PARN: variants seen among roughly 807,000 people sequenced by gnomAD.
PARN encodes poly(A)-specific ribonuclease.
PARN carries 71 observed loss-of-function variants against 102.8 expected under a neutral mutation model. The observed-to-expected ratio is 0.69, with a 90% CI of 0.57 to 0.84. PARN has a LOEUF of 0.84. PARN is among the 40% of genes least tolerant of loss of function. The pLI, the probability that PARN is intolerant of heterozygous loss-of-function variation, is 0.00. For synonymous variants in PARN, 261 were observed against 252.9 expected (o/e 1.03, Z -0.30); for missense variants, 782 against 760.9 (o/e 1.03, Z -0.33).
At position 14,533,938 on chromosome 16, in the gene PARN, T is replaced by C. The variant is rs13334941; in HGVS notation, c.1480+18083A>G. On this transcript the variant is annotated intron_variant, in intron 21 of 23. Transcript: ENST00000437198. ...TCCTTCAACAGTACAAAGGCAAATA[T>C]TGGCCAAGCGTGGTGGCTCACGCCT... Among the ~76,000 whole-genome samples, 1,298 of 152,300 alleles carry C rather than the reference T, an allele frequency of 8.5e-3. 20 individuals are homozygous for C. The highest frequency in any genetic ancestry group is 0.028 in the African/African-American group (1,177 of 41,558).
intron 21 of PARN, among the ~76,000 whole-genome samples, chr16:14,517,257 T>C (rs181847947): frequency 1.9e-4 from 29 of 152,366 alleles, no homozygotes; most frequent in Admixed American, 6.5e-4. Context: ...TGAAGGTATA[T>C]TAACAAGCAT....
At chr16:14,494,223 T>C (rs1964196793) in intron 21 of PARN, among the ~76,000 whole-genome samples, 1 of 152,208 alleles carries the variant, frequency 6.6e-6, no homozygotes, top group Non-Finnish European at 1.5e-5. Context: ...TATATTTCAA[T>C]CTCACTTGTT....
intron 21 of PARN, among the ~76,000 whole-genome samples, chr16:14,539,234 G>A (rs1412751864): frequency 6.6e-6 from 1 of 152,152 alleles, no homozygotes; most frequent in Non-Finnish European, 1.5e-5. Context: ...AAAATCAAGT[G>A]CCAGTAATAT....
chr16:14,558,146 A>C (rs1341017160), intron 18 of PARN, among the ~76,000 whole-genome samples: 1 of 152,234 alleles, frequency 6.6e-6, no homozygotes, highest in Non-Finnish European at 1.5e-5. Flanking sequence ...TTAAAAGTTA[A>C]TGAAGGCTGG....
chr16:14,622,977 G>A (rs1370714818), intron 5 of PARN, among the ~76,000 whole-genome samples: 1 of 151,980 alleles, frequency 6.6e-6, no homozygotes, highest in Non-Finnish European at 1.5e-5. Context: ...GGTGGCATGT[G>A]CCTGTAGTTC....
At chr16:14,522,276 G>A (rs1012674330) in intron 21 of PARN, among the ~76,000 whole-genome samples, 4 of 152,350 alleles carry the variant, frequency 2.6e-5, no homozygotes, top group Admixed American at 6.5e-5. Context: ...AGGTGAGGAG[G>A]TGGGCTGAGC....
chr16:14,561,205 G>C (rs1968039264), intron 18 of PARN, among the ~76,000 whole-genome samples: 1 of 151,402 alleles, frequency 6.6e-6, no homozygotes, highest in Non-Finnish European at 1.5e-5. Context: ...TGTGTCCCAG[G>C]CTGCCTAAGA....
chr16:14,562,940 C>G (rs958865712), intron 18 of PARN, among the ~76,000 whole-genome samples: 4 of 152,222 alleles, frequency 2.6e-5, no homozygotes, highest in Admixed American at 2.0e-4. Flanking sequence ...TGTGGCTTAT[C>G]TAAGCCATTC....
chr16:14,441,907 G>T (rs1960958487), intron 23 of PARN, among the ~76,000 whole-genome samples: 1 of 152,138 alleles, frequency 6.6e-6, no homozygotes, highest in Admixed American at 6.5e-5. Context: ...GTAACCCTTA[G>T]GGTTTCAGCT....
At position 14,630,154 on chromosome 16, in the gene PARN, A is replaced by T. The variant is rs761271672; in HGVS notation, c.-29T>A. On this transcript the variant is annotated 5_prime_UTR_variant, in exon 1 of 24. Transcript: ENST00000437198. ...GCAGAGTGGCCGGAACCTTGGCCCCACCCGGGCCCGCGCCCGCCTCAGCGG... is the reference window on the plus strand; with the variant it reads ...GCAGAGTGGCCGGAACCTTGGCCCCTCCCGGGCCCGCGCCCGCCTCAGCGG... The T allele has an allele frequency of 1.3e-6, 2 of 1,546,552 alleles. No homozygotes were observed. The highest frequency in any genetic ancestry group is 1.2e-5 in the South Asian group (1 of 83,860).
intron 22 of PARN, among the ~76,000 whole-genome samples, chr16:14,457,966 A>G (rs1961766448): frequency 6.6e-6 from 1 of 151,448 alleles, no homozygotes; most frequent in South Asian, 2.1e-4. Flanking sequence ...GAGACAGAGA[A>G]AACATGAATG....
chr16:14,511,799 C>T (rs964061720), intron 21 of PARN, among the ~76,000 whole-genome samples: 3 of 152,182 alleles, frequency 2.0e-5, no homozygotes, highest in African/African-American at 7.2e-5. Flanking sequence ...CTCCTGGCCT[C>T]AAGCAATCCT....
At chr16:14,574,478 G>C (rs1477488440) in intron 18 of PARN, among the ~76,000 whole-genome samples, 2 of 152,200 alleles carry the variant, frequency 1.3e-5, no homozygotes, top group Non-Finnish European at 2.9e-5. Context: ...ACTTTGGGAA[G>C]CCAAGGTGGG....
chr16:14,604,668 T>C (rs1197039988), intron 10 of PARN, among the ~76,000 whole-genome samples: 1 of 152,124 alleles, frequency 6.6e-6, no homozygotes, highest in African/African-American at 2.4e-5. Context: ...CAAGCTGGAG[T>C]GCAGTGGCAC....
chr16:14,612,516 T>C (rs1186060228), intron 6 of PARN, among the ~76,000 whole-genome samples: 1 of 152,204 alleles, frequency 6.6e-6, no homozygotes, highest in Non-Finnish European at 1.5e-5. Flanking sequence ...CACTAACTGA[T>C]GTGAAGACAA....
At chr16:14,551,615 A>G (rs990246698) in intron 21 of PARN, among the ~76,000 whole-genome samples, 4 of 152,128 alleles carry the variant, frequency 2.6e-5, no homozygotes, top group Admixed American at 6.6e-5. Flanking sequence ...AGTATTTGAT[A>G]CAAGTTTAAT....
intron 19 of PARN, among the ~76,000 whole-genome samples, chr16:14,554,485 C>G (rs571029250): frequency 2.0e-5 from 3 of 151,342 alleles, no homozygotes; most frequent in Non-Finnish European, 2.9e-5. Context: ...GGCTAGAGTA[C>G]AGTGGCACAA....
chr16:14,541,514 C>T (rs1796795863), intron 21 of PARN, among the ~76,000 whole-genome samples: 1 of 152,160 alleles, frequency 6.6e-6, no homozygotes, highest in Non-Finnish European at 1.5e-5. Context: ...CTCGCTCTGT[C>T]ACCCAGGCTG....
chr16:14,621,945 C>A (rs1227076296), intron 5 of PARN, among the ~76,000 whole-genome samples: 1 of 152,132 alleles, frequency 6.6e-6, no homozygotes, highest in Admixed American at 6.6e-5. Flanking sequence ...GTAATTCCAG[C>A]ACTTTGGGAG....
Sources: gnomAD v4.1 joint callset for allele counts (sites outside exome capture counted in the v4.1 genomes callset) on GRCh38, gnomAD v4.1.1 for gene constraint, MANE v1.5 for transcripts, NCBI Gene and HGNC (gene_info 2026-07-23, HGNC 2026-07-21) for gene names.